The following TBC1D13 variants were observed in gnomAD, a reference collection of about 807,000 sequenced individuals.
The protein encoded by TBC1D13 is TBC1 domain family member 13, also known as epididymis secretory sperm binding protein.
A neutral mutation model predicts 53.6 loss-of-function variants in TBC1D13; 40 were observed. The observed-to-expected ratio is 0.75, with a 90% CI of 0.58 to 0.97. The LOEUF (loss-of-function observed/expected upper bound fraction) is 0.97. TBC1D13 is among the 50% of genes least tolerant of loss of function. The pLI is 0.00. For synonymous variants in TBC1D13, 182 were observed against 197.7 expected (o/e 0.92, Z 0.67); for missense variants, 377 against 499.4 (o/e 0.75, Z 2.34).
rs752688494 is a variant in TBC1D13, at chr9:128,788,314, C to T, written c.24-20C>T. On this transcript the variant is annotated intron_variant, in intron 1 of 11. Coordinates refer to ENST00000372648, the MANE Select transcript of TBC1D13 (RefSeq NM_018201.5). ...GCCGATATCAGCATGCTTCATTTGC[C>T]GCCCTATCTCCCCTTCCAGAATTGC... The T allele has an allele frequency of 1.1e-5, 18 of 1,612,746 alleles. No individual in the cohort carries two copies. The Admixed American group carries it at 1.3e-4, about 12-fold the overall frequency.
chr9:128,799,884 G>T (rs1359082298), intron 7 of TBC1D13, among the ~76,000 whole-genome samples: 2 of 152,166 alleles, frequency 1.3e-5, no homozygotes, highest in Non-Finnish European at 2.9e-5. Context: ...AGCCAGGTGT[G>T]GTCGCAGGCG....
Position 128,787,334 on chromosome 9 carries a change from G to T in TBC1D13, c.-20G>T, listed in dbSNP as rs1589563096. ...AGGCGCAGGCGGCGGAGGCGGCTGGGGGGTCCGGAAGTCAACACCATGTCA... is the reference window on the plus strand; with the variant it reads ...AGGCGCAGGCGGCGGAGGCGGCTGGTGGGTCCGGAAGTCAACACCATGTCA... On this transcript the variant is annotated 5_prime_UTR_variant, in exon 1 of 12. Coordinates refer to ENST00000372648, the MANE Select transcript of TBC1D13 (RefSeq NM_018201.5). 3.2e-6 allele frequency: 4 copies of T among 1,259,476 alleles called. No homozygotes were observed. The highest frequency in any genetic ancestry group is 2.1e-4 in the Middle Eastern group (1 of 4,866). 78.0% of individuals were successfully genotyped at this position (1,259,476 alleles called of 1,614,324 possible). A position where few individuals can be genotyped will look rare whatever the true frequency, so the allele number is the denominator to read the frequency against.
intron 7 of TBC1D13, among the ~76,000 whole-genome samples, chr9:128,798,492 A>T (rs547669985): frequency 1.1e-4 from 17 of 152,238 alleles, no homozygotes; most frequent in Admixed American, 1.1e-3. Context: ...CTTGTGTCGG[A>T]AATGCTTTAG....
In TBC1D13 at chr9:128,807,919, C is replaced by T. The variant is rs370342064; in HGVS notation, c.*40C>T. 3.3e-5 allele frequency: 52 copies of T among 1,593,976 alleles called. No individual in the cohort carries two copies. Among genetic ancestry groups the T allele is most frequent in the Admixed American group, 3.0e-4 (18 of 59,890 alleles). ...GCCCATGTTCCGGAGAGAAGCCTCC[C>T]GACCCTGTGCCCTGGCTCCCGGGAC... On this transcript the variant is annotated 3_prime_UTR_variant, in exon 12 of 12. Transcript: ENST00000372648.
intron 4 of TBC1D13, 62 bp from the exon 5 acceptor site, chr9:128,791,532 C>T (rs1249794018): frequency 6.2e-7 from 1 of 1,609,612 alleles, no homozygotes; most frequent in African/African-American, 1.3e-5. Flanking sequence ...GCGGCTGCTG[C>T]TCTGCTCTGG....
Position 128,787,337 on chromosome 9 carries a change from G to A in TBC1D13, c.-17G>A. ...CGCAGGCGGCGGAGGCGGCTGGGGG[G>A]TCCGGAAGTCAACACCATGTCAAGT... On this transcript the variant is annotated 5_prime_UTR_variant, in exon 1 of 12. Coordinates refer to ENST00000372648, the MANE Select transcript of TBC1D13 (RefSeq NM_018201.5). The A allele has an allele frequency of 7.9e-7, 1 of 1,259,734 alleles. No individual in the cohort carries two copies. The highest frequency in any genetic ancestry group is 1.0e-6 in the Non-Finnish European group (1 of 996,220). The allele number at this position is 1,259,734 out of a possible 1,614,324, so 78.0% of individuals were successfully genotyped here.
chr9:128,788,003 A>G (rs1331824042), intron 1 of TBC1D13, among the ~76,000 whole-genome samples: 1 of 152,178 alleles, frequency 6.6e-6, no homozygotes, highest in African/African-American at 2.4e-5. Context: ...GGCCGGCAGG[A>G]AGTGCCCAGT....
intron 6 of TBC1D13, among the ~76,000 whole-genome samples, chr9:128,795,437 C>CTTT (rs539392878): frequency 1.7e-5 from 1 of 57,824 alleles, no homozygotes; most frequent in African/African-American, 7.4e-5. Flanking sequence ...TGGTCACCAT[C>CTTT]TTTTTTTTTT....
At position 128,803,994 on chromosome 9, in the gene TBC1D13, C is replaced by A. The variant is rs758820446; in HGVS notation, c.793C>A (p.Leu265Ile). 8 of 1,613,870 alleles carry A rather than the reference C, an allele frequency of 5.0e-6. No individual in the cohort carries two copies. The highest frequency in any genetic ancestry group is 6.8e-6 in the Non-Finnish European group (8 of 1,180,026). Residue 265 changes from leucine (L) to isoleucine (I), a missense_variant, in exon 9 of 12, where the codon CTC becomes ATC. Leu to Ile is a conservative substitution (Grantham distance 5). Transcript: ENST00000372648. ...AGACACCTTTTTCTGCTTCACCAAC[C>A]TCATGGCCGAGATCCGGGACAACTT... is the stretch of plus-strand genomic sequence containing the variant. ...EADTFFCFTN[L>I]MAEIRDNFIK...
rs746229638 is a variant in TBC1D13 at position 128,807,882 on chromosome 9, C to A, written c.*3C>A. The stretch of plus-strand genomic sequence containing the variant: ...AGGAGCTCCAAGACTCAAAGTAGCC[C>A]GGCGGCAAGAGGCCCATGTTCCGGA... On this transcript the variant is annotated 3_prime_UTR_variant, in exon 12 of 12. Coordinates refer to ENST00000372648, the MANE Select transcript of TBC1D13 (RefSeq NM_018201.5). 6.2e-7 allele frequency: 1 copy of A among 1,614,070 alleles called. No homozygotes were observed. Among genetic ancestry groups the A allele is most frequent in the South Asian group, 1.1e-5 (1 of 91,084 alleles).
chr9:128,798,405 C>T (rs146613763), intron 7 of TBC1D13, among the ~76,000 whole-genome samples: 3 of 152,056 alleles, frequency 2.0e-5, no homozygotes, highest in African/African-American at 7.2e-5. Context: ...GGTAAGGCCA[C>T]TTGGGGCCTT....
At position 128,787,276 on chromosome 9, in the gene TBC1D13, G is replaced by GGGC. The variant is rs544064818; in HGVS notation, c.-62_-60dup. 0.014 allele frequency: 17,192 copies of GGGC among 1,241,956 alleles called. 122 individuals are homozygous for GGGC. The highest frequency in any genetic ancestry group is 0.016 in the Non-Finnish European group (15,419 of 982,980). The allele number at this position is 1,241,956 out of a possible 1,614,324, so 76.9% of individuals were successfully genotyped here. ...TTGCGCAGAGCCCCGCGTCCCTGGG[G>GGGC]GGCGGCGGCGGCGGCGGCAGCGCAG... On this transcript the variant is annotated 5_prime_UTR_variant, in exon 1 of 12. Coordinates refer to ENST00000372648, the MANE Select transcript of TBC1D13 (RefSeq NM_018201.5).
intron 6 of TBC1D13, among the ~76,000 whole-genome samples, chr9:128,794,344 C>T (rs1244793629): frequency 6.6e-6 from 1 of 152,238 alleles, no homozygotes; most frequent in Non-Finnish European, 1.5e-5. Flanking sequence ...GGCACTGCCT[C>T]TTGTGCTCTC....
chr9:128,806,006 T>A lies in TBC1D13; in HGVS notation c.1066T>A (p.Cys356Ser). ...CTTTGACTTCCTCCTCCTCGTCTGC[T>A]GCGCCATGCTCATGTGAGTGCGGGC... is the stretch of plus-strand genomic sequence containing the variant. ...NRFDFLLLVC[C>S]AMLMLIREQL... Residue 356 changes from cysteine (C) to serine (S), a missense_variant, in exon 10 of 12, where the codon TGC becomes AGC. By Grantham distance (112) the Cys-to-Ser change is moderately radical (BLOSUM62 -1). Transcript: ENST00000372648. The A allele has an allele frequency of 6.2e-7, 1 of 1,614,120 alleles. No homozygotes were observed. The highest frequency in any genetic ancestry group is 1.1e-5 in the South Asian group (1 of 91,080).
In TBC1D13 at chr9:128,805,843, C is replaced by G. The variant is rs201755030; in HGVS notation, c.919-16C>G. On this transcript the variant is annotated splice_polypyrimidine_tract_variant and intron_variant, in intron 9 of 11. Transcript: ENST00000372648. ...ACACAGAGTCATGCCCCCCACCCCC[C>G]ACGCTGTCTCCCCAGCAAGAGCAGA... 9 of 1,611,206 alleles carry G rather than the reference C, an allele frequency of 5.6e-6. No homozygotes were observed. The highest frequency in any genetic ancestry group is 2.2e-5 in the East Asian group (1 of 44,874).
chr9:128,804,861 T>C (rs1829803726), intron 9 of TBC1D13, among the ~76,000 whole-genome samples: 1 of 151,132 alleles, frequency 6.6e-6, no homozygotes, highest in Non-Finnish European at 1.5e-5. Flanking sequence ...CCCCAGTAGC[T>C]GGGATTACAG....
chr9:128,793,257 G>A (rs957591842), intron 6 of TBC1D13, among the ~76,000 whole-genome samples: 1 of 152,264 alleles, frequency 6.6e-6, no homozygotes, highest in Non-Finnish European at 1.5e-5. Flanking sequence ...CCATGCAAAG[G>A]TTTTGAGTAA....
chr9:128,809,895 G>C lies in TBC1D13; in HGVS notation c.*2016G>C, dbSNP rs984663263. 6.5e-6 allele frequency: 1 copy of C among 152,750 alleles called. No homozygotes were observed. Among genetic ancestry groups the C allele is most frequent in the African/African-American group, 2.4e-5 (1 of 41,460 alleles). The allele number at this position is 152,750 out of a possible 1,614,324, so 9.5% of individuals were successfully genotyped here. ...CTGGGCCACCCTCTCTCCAGGACTT[G>C]TCAGCTGGTGGTTCAGCCCCTTCTC... On this transcript the variant is annotated 3_prime_UTR_variant, in exon 12 of 12. Transcript: ENST00000372648.
In TBC1D13 at chr9:128,787,336, G is replaced by A; in HGVS notation, c.-18G>A. On this transcript the variant is annotated 5_prime_UTR_variant, in exon 1 of 12. Coordinates refer to ENST00000372648, the MANE Select transcript of TBC1D13 (RefSeq NM_018201.5). ...GCGCAGGCGGCGGAGGCGGCTGGGG[G>A]GTCCGGAAGTCAACACCATGTCAAG... The A allele has an allele frequency of 7.9e-7, 1 of 1,259,216 alleles. No homozygotes were observed. Among genetic ancestry groups the A allele is most frequent in the East Asian group, 3.1e-5 (1 of 32,310 alleles). 78.0% of individuals were successfully genotyped at this position (1,259,216 alleles called of 1,614,324 possible). A position where few individuals can be genotyped will look rare whatever the true frequency, so the allele number is the denominator to read the frequency against.
Sources: allele counts gnomAD v4.1 joint callset (sites outside exome capture counted in the v4.1 genomes callset), GRCh38; gene constraint gnomAD v4.1.1; transcripts MANE v1.5; gene names NCBI Gene and HGNC (gene_info 2026-07-23, HGNC 2026-07-21).